ACMSD: variants seen among roughly 807,000 people sequenced by gnomAD.
The protein encoded by ACMSD is 2-amino-3-carboxymuconate-6-semialdehyde decarboxylase.
Under a neutral mutation model 45.9 loss-of-function variants are expected in ACMSD, and 37 were observed. The ratio of observed to expected loss-of-function variants is 0.81; its 90% confidence interval spans 0.62 to 1.06. The LOEUF is 1.06. Ranked by LOEUF, ACMSD falls within the 50% of genes least tolerant of loss-of-function variation. The probability of loss-of-function intolerance (pLI) is 0.00; values close to 1 mark genes in which losing one functional copy is unlikely to be tolerated. For synonymous variants in ACMSD, 138 were observed against 148.8 expected (o/e 0.93, Z 0.53); for missense variants, 434 against 420.9 (o/e 1.03, Z -0.27).
chr2:134,843,292 C>T (rs1231210972), intron 1 of ACMSD, among the ~76,000 whole-genome samples: 2 of 152,156 alleles, frequency 1.3e-5, no homozygotes, highest in African/African-American at 4.8e-5. Flanking sequence ...CTTGCCTGCC[C>T]AGCCTGCAAA....
chr2:134,844,899 G>A (rs761588011), intron 1 of ACMSD, among the ~76,000 whole-genome samples: 2 of 152,176 alleles, frequency 1.3e-5, no homozygotes, highest in South Asian at 4.1e-4. Flanking sequence ...GTCCTTAGGA[G>A]CTATGTACTC....
intron 2 of ACMSD, among the ~76,000 whole-genome samples, chr2:134,850,122 T>C (rs1288101617): frequency 1.3e-5 from 2 of 150,148 alleles, no homozygotes; most frequent in African/African-American, 4.9e-5. Flanking sequence ...CTAACCCCCT[T>C]AAAAAATGAA....
intron 8 of ACMSD, among the ~76,000 whole-genome samples, chr2:134,890,742 A>G (rs1472726229): frequency 2.0e-5 from 3 of 152,024 alleles, no homozygotes; most frequent in African/African-American, 7.2e-5. Flanking sequence ...TGAGAAAATG[A>G]TAAAGCAAAG....
At chr2:134,897,035 T>TCCAC in intron 8 of ACMSD, among the ~76,000 whole-genome samples, 1 of 152,222 alleles carries the variant, frequency 6.6e-6, no homozygotes, top group Admixed American at 6.6e-5. Flanking sequence ...TGAAAAAAAT[T>TCCAC]TTTTTAAACA....
At chr2:134,845,054 T>C (rs1228471351) in intron 1 of ACMSD, among the ~76,000 whole-genome samples, 179 bp from the exon 2 acceptor site, 3 of 152,174 alleles carry the variant, frequency 2.0e-5, no homozygotes, top group Admixed American at 6.5e-5. Context: ...TATAAATATA[T>C]TGAAGGAAAA....
intron 8 of ACMSD, among the ~76,000 whole-genome samples, chr2:134,884,343 T>G (rs1285840957): frequency 6.6e-6 from 1 of 152,188 alleles, no homozygotes; most frequent in Non-Finnish European, 1.5e-5. Context: ...GCTTCAGAAT[T>G]ATTTGCTTTC....
intron 1 of ACMSD, among the ~76,000 whole-genome samples, chr2:134,844,791 T>C (rs1686975954): frequency 6.6e-6 from 1 of 152,160 alleles, no homozygotes; most frequent in African/African-American, 2.4e-5. Context: ...TGATTTCCTG[T>C]TTTAAAATGT....
chr2:134,869,570 C>T (rs1004450840), intron 6 of ACMSD, among the ~76,000 whole-genome samples: 3 of 152,112 alleles, frequency 2.0e-5, no homozygotes, highest in Non-Finnish European at 2.9e-5. Context: ...ATTTCATCAT[C>T]CATTTATGCA....
intron 8 of ACMSD, among the ~76,000 whole-genome samples, chr2:134,896,141 T>G (rs1690135745): frequency 6.6e-6 from 1 of 152,208 alleles, no homozygotes. Flanking sequence ...CTTTACACCA[T>G]GCAAATTAAC....
intron 8 of ACMSD, among the ~76,000 whole-genome samples, chr2:134,896,304 A>C (rs1458184005): frequency 2.0e-5 from 3 of 152,234 alleles, no homozygotes; most frequent in African/African-American, 7.2e-5. Context: ...TAGATGAAGA[A>C]GACTTCATCA....
chr2:134,875,899 A>C (rs1559058138), intron 8 of ACMSD, among the ~76,000 whole-genome samples: 1 of 152,334 alleles, frequency 6.6e-6, no homozygotes, highest in South Asian at 2.1e-4. Context: ...CCCTTACACA[A>C]ACTTTTATGG....
chr2:134,882,151 G>A (rs1008922319), intron 8 of ACMSD, among the ~76,000 whole-genome samples: 2 of 152,096 alleles, frequency 1.3e-5, no homozygotes, highest in African/African-American at 2.4e-5. Flanking sequence ...GAGGGTACCT[G>A]CCTAATTCCC....
In ACMSD at chr2:134,863,636, G is replaced by C. The variant is rs1687954070; in HGVS notation, c.486+5G>C. 1 of 1,613,562 alleles carries C rather than the reference G, an allele frequency of 6.2e-7. No homozygotes were observed. The highest frequency in any genetic ancestry group is 8.5e-7 in the Non-Finnish European group (1 of 1,179,878). On this transcript the variant is annotated splice_donor_5th_base_variant and intron_variant, in intron 5 of 9. Transcript: ENST00000356140. The stretch of plus-strand genomic sequence containing the variant: ...GAGCTCTTTCCTGTCTATGCGGTGA[G>C]TAGCGGGGCTGCTCAGCCAACGCCA...
chr2:134,847,447 G>T (rs915096836), intron 2 of ACMSD, among the ~76,000 whole-genome samples: 11 of 141,014 alleles, frequency 7.8e-5, no homozygotes, highest in Admixed American at 1.4e-4. Flanking sequence ...TAGATAGATA[G>T]ATATAGATAG....
chr2:134,882,033 A>G (rs1306474178), intron 8 of ACMSD, among the ~76,000 whole-genome samples: 1 of 152,042 alleles, frequency 6.6e-6, no homozygotes, highest in African/African-American at 2.4e-5. Flanking sequence ...CATGAGAATC[A>G]CTTGAACCTG....
At chr2:134,901,662 A>C in intron 9 of ACMSD, 136 bp from the exon 10 acceptor site, 19 of 477,054 alleles carry the variant, frequency 4.0e-5, no homozygotes, top group Non-Finnish European at 4.4e-5. Flanking sequence ...GATTTTGGTA[A>C]GAGATTCACT....
Position 134,859,284 on chromosome 2 carries a change from T to A in ACMSD, c.126T>A (p.Asp42Glu). Residue 42 changes from aspartate to glutamate, a missense_variant, in exon 3 of 10, where the codon GAT (aspartate) becomes GAA (glutamate). Physicochemically the swap from Asp to Glu is conservative, Grantham distance 45. Coordinates refer to ENST00000356140, the MANE Select transcript of ACMSD (RefSeq NM_138326.3). ...HSKGEAKLLKDGKVFRVVREN... is the reference protein window; with the variant it reads ...HSKGEAKLLKEGKVFRVVREN... ...AGGGAGAAGCAAAGTTGTTGAAAGATGGGAAAGTCTTCAGAGTGGTGCGAG... is the reference window on the plus strand; with the variant it reads ...AGGGAGAAGCAAAGTTGTTGAAAGAAGGGAAAGTCTTCAGAGTGGTGCGAG... The A allele has an allele frequency of 6.2e-7, 1 of 1,614,068 alleles. No homozygotes were observed. The highest frequency in any genetic ancestry group is 1.1e-5 in the South Asian group (1 of 91,066).
rs905222427 is a variant in ACMSD, at chr2:134,859,157, A to G, written c.103-104A>G. On this transcript the variant is annotated intron_variant, in intron 2 of 9. Coordinates refer to ENST00000356140, the MANE Select transcript of ACMSD (RefSeq NM_138326.3). ...CTACTTCCACAAGGATTAAGTAAAA[A>G]TCTTTTCAAATATTAGGGAAGAAAT... is the stretch of plus-strand genomic sequence containing the variant. 11 of 933,762 alleles carry G rather than the reference A, an allele frequency of 1.2e-5. No homozygotes were observed. The Admixed American group carries it at 2.5e-4, about 21-fold the overall frequency. The allele number at this position is 933,762 out of a possible 1,614,324, so 57.8% of individuals were successfully genotyped here. A position where few individuals can be genotyped will look rare whatever the true frequency, so the allele number is the denominator to read the frequency against.
At chr2:134,878,707 G>C (rs1312147096) in intron 8 of ACMSD, among the ~76,000 whole-genome samples, 1 of 152,196 alleles carries the variant, frequency 6.6e-6, no homozygotes, top group Non-Finnish European at 1.5e-5. Context: ...TGAGCAGTTT[G>C]TACAGACTGC....
Sources: gnomAD v4.1 joint callset for allele counts (sites outside exome capture counted in the v4.1 genomes callset) on GRCh38, gnomAD v4.1.1 for gene constraint, MANE v1.5 for transcripts, NCBI Gene and HGNC (gene_info 2026-07-23, HGNC 2026-07-21) for gene names.